Variants in XKR4 observed in about 807,000 individuals in gnomAD.
XKR4 encodes XK-related protein 4.
A neutral mutation model predicts 53.9 loss-of-function variants in XKR4; 12 were observed. That is an observed-to-expected ratio of 0.22 (90% confidence interval 0.14 to 0.36). XKR4 has a LOEUF of 0.36. XKR4 is among the 10% of genes least tolerant of loss of function. The probability of loss-of-function intolerance (pLI) is 1.00; values close to 1 mark genes in which losing one functional copy is unlikely to be tolerated. For synonymous variants in XKR4, 354 were observed against 362.4 expected (o/e 0.98, Z 0.26); for missense variants, 799 against 859.5 (o/e 0.93, Z 0.88).
At position 55,142,928 on chromosome 8, in the gene XKR4, G is replaced by T. The variant is rs1008162205; in HGVS notation, c.806+39634G>T. On this transcript the variant is annotated intron_variant, in intron 1 of 2. Coordinates refer to ENST00000327381, the MANE Select transcript of XKR4 (RefSeq NM_052898.2). ...AAGGCCCCTTTGATGCCCCTGCTAGGCAGCGGTCCCTTGTGGGTGACCATG... is the reference window on the plus strand; with the variant it reads ...AAGGCCCCTTTGATGCCCCTGCTAGTCAGCGGTCCCTTGTGGGTGACCATG... 9.8e-5 allele frequency among the ~76,000 whole-genome samples: 15 copies of T among 152,296 alleles called. 1 individual carries two copies. Among genetic ancestry groups the T allele is most frequent in the Admixed American group, 7.8e-4 (12 of 15,310 alleles).
At chr8:55,299,846 G>A (rs918371991) in intron 1 of XKR4, among the ~76,000 whole-genome samples, 30 of 152,110 alleles carry the variant, frequency 2.0e-4, no homozygotes, top group Admixed American at 1.7e-3. Flanking sequence ...TACATTCGAG[G>A]TCTCTGTGGG....
At chr8:55,478,534 A>G (rs1212739727) in intron 2 of XKR4, among the ~76,000 whole-genome samples, 2 of 152,096 alleles carry the variant, frequency 1.3e-5, no homozygotes, top group Non-Finnish European at 2.9e-5. Context: ...GACAGGACCA[A>G]CTCCACACAT....
chr8:55,257,435 G>A (rs1338090022), intron 1 of XKR4, among the ~76,000 whole-genome samples: 2 of 151,818 alleles, frequency 1.3e-5, no homozygotes, highest in Admixed American at 6.6e-5. Context: ...AGGAAGGGAC[G>A]AGGGGAGAAA....
At chr8:55,292,907 A>C (rs1005672215) in intron 1 of XKR4, among the ~76,000 whole-genome samples, 1 of 151,840 alleles carries the variant, frequency 6.6e-6, no homozygotes, top group African/African-American at 2.4e-5. Context: ...GTTACTTAGC[A>C]GTGTGTTGTT....
chr8:55,136,228 C>T (rs1327933061), intron 1 of XKR4, among the ~76,000 whole-genome samples: 3 of 152,166 alleles, frequency 2.0e-5, no homozygotes, highest in Non-Finnish European at 4.4e-5. Flanking sequence ...AAACAATTTA[C>T]AATATACTCA....
chr8:55,362,274 C>T (rs561283314), intron 2 of XKR4, among the ~76,000 whole-genome samples: 2 of 151,900 alleles, frequency 1.3e-5, no homozygotes, highest in African/African-American at 2.4e-5. Context: ...CATGTGAAAA[C>T]GGGAAAAATA....
chr8:55,158,890 G>A (rs1039364655), intron 1 of XKR4, among the ~76,000 whole-genome samples: 1 of 152,208 alleles, frequency 6.6e-6, no homozygotes, highest in Admixed American at 6.5e-5. Context: ...TAGCCTTGTA[G>A]TGTATGTCGA....
chr8:55,274,959 C>G (rs893245255), intron 1 of XKR4, among the ~76,000 whole-genome samples: 2 of 152,006 alleles, frequency 1.3e-5, no homozygotes, highest in East Asian at 3.9e-4. Context: ...AAACAGGACT[C>G]CTGTATTGAA....
intron 1 of XKR4, among the ~76,000 whole-genome samples, chr8:55,209,555 G>C (rs1470671591): frequency 6.6e-6 from 1 of 152,168 alleles, no homozygotes; most frequent in Non-Finnish European, 1.5e-5. Flanking sequence ...ATCATAACTG[G>C]TGTTGGCAGA....
At chr8:55,142,385 C>T (rs192278668) in intron 1 of XKR4, 16 of 297,096 alleles carry the variant, frequency 5.4e-5, no homozygotes, top group African/African-American at 3.0e-4. Flanking sequence ...TCTTGGCAAC[C>T]CGTTGGCGCT....
intron 1 of XKR4, among the ~76,000 whole-genome samples, chr8:55,281,810 T>C (rs975546933): frequency 3.3e-5 from 5 of 152,218 alleles, no homozygotes; most frequent in Admixed American, 6.5e-5. Context: ...CAGGAAAGAC[T>C]GCTTCACAAC....
chr8:55,122,287 T>C (rs1816402957), intron 1 of XKR4, among the ~76,000 whole-genome samples: 1 of 152,246 alleles, frequency 6.6e-6, no homozygotes, highest in Admixed American at 6.5e-5. Flanking sequence ...AAATGTCTTT[T>C]CATTTTGCAT....
intron 1 of XKR4, among the ~76,000 whole-genome samples, chr8:55,138,540 G>A (rs938801674): frequency 1.3e-5 from 2 of 152,162 alleles, no homozygotes; most frequent in Non-Finnish European, 2.9e-5. Flanking sequence ...TTGCTAAAGA[G>A]CACTTAAATA....
intron 2 of XKR4, among the ~76,000 whole-genome samples, chr8:55,482,074 T>C (rs918472166): frequency 1.1e-4 from 17 of 152,156 alleles, no homozygotes; most frequent in African/African-American, 4.1e-4. Flanking sequence ...ATAAATCATG[T>C]TGCTATAAAG....
chr8:55,408,083 C>A (rs1489323050), intron 2 of XKR4, among the ~76,000 whole-genome samples: 1 of 152,134 alleles, frequency 6.6e-6, no homozygotes, highest in Non-Finnish European at 1.5e-5. Flanking sequence ...AATGCCTGCC[C>A]ACAAATGTAT....
intron 1 of XKR4, among the ~76,000 whole-genome samples, chr8:55,302,020 A>T (rs1164902230): frequency 7.3e-5 from 11 of 151,702 alleles, no homozygotes; most frequent in African/African-American, 1.7e-4. Context: ...TTTGTCAATT[A>T]TGGCTTTTGT....
At chr8:55,365,067 G>C (rs1337810535) in intron 2 of XKR4, among the ~76,000 whole-genome samples, 3 of 152,220 alleles carry the variant, frequency 2.0e-5, no homozygotes, top group Non-Finnish European at 4.4e-5. Context: ...TGAAATTTAT[G>C]TTGACAGCTT....
intron 1 of XKR4, among the ~76,000 whole-genome samples, chr8:55,108,927 G>A (rs1239862640): frequency 6.6e-6 from 1 of 152,106 alleles, no homozygotes. Context: ...TGATATGGGA[G>A]GGGTGAAAGC....
At position 55,285,637 on chromosome 8, in the gene XKR4, T is replaced by C. The variant is rs78288254; in HGVS notation, c.807-72041T>C. ...AGGAAGAGAACTCCTCGAAGAGTTT[T>C]CGCGCCCCTTCTTCCAGTACTTCCA... is the stretch of plus-strand genomic sequence containing the variant. On this transcript the variant is annotated intron_variant, in intron 1 of 2. Coordinates refer to ENST00000327381, the MANE Select transcript of XKR4 (RefSeq NM_052898.2). Among the ~76,000 whole-genome samples, 562 of 152,324 alleles carry C rather than the reference T, an allele frequency of 3.7e-3. 13 individuals are homozygous for C. In the East Asian group the frequency reaches 0.039, roughly 11 times the overall value.
Sources: allele counts gnomAD v4.1 joint callset (sites outside exome capture counted in the v4.1 genomes callset), GRCh38; gene constraint gnomAD v4.1.1; transcripts MANE v1.5; gene names NCBI Gene and HGNC (gene_info 2026-07-23, HGNC 2026-07-21).